STK33: variants seen among roughly 807,000 people sequenced by gnomAD.
STK33 encodes the protein serine/threonine-protein kinase 33.
Under a neutral mutation model 58.0 loss-of-function variants are expected in STK33, and 52 were observed. The observed-to-expected ratio is 0.90, with a 90% CI of 0.72 to 1.13. The LOEUF (loss-of-function observed/expected upper bound fraction) is 1.13. Ranked by LOEUF, STK33 falls within the 50% of genes most tolerant of loss-of-function variation. STK33 has a pLI of 0.00. For synonymous variants in STK33, 215 were observed against 200.1 expected (o/e 1.07, Z -0.63); for missense variants, 630 against 604.2 (o/e 1.04, Z -0.45).
At chr11:8,562,557 T>C (rs992743130) in intron 1 of STK33, among the ~76,000 whole-genome samples, 1 of 152,194 alleles carries the variant, frequency 6.6e-6, no homozygotes, top group African/African-American at 2.4e-5. Context: ...CATATTTCAT[T>C]ATACTCTTAG....
chr11:8,342,386 A>G, the STK33 span, among the ~76,000 whole-genome samples: 1 of 152,224 alleles, frequency 6.6e-6, no homozygotes, highest in Non-Finnish European at 1.5e-5. Flanking sequence ...TGGGTTTCTG[A>G]AAAACAACTC....
the STK33 span, among the ~76,000 whole-genome samples, chr11:8,361,053 C>T: frequency 6.6e-5 from 10 of 152,214 alleles, no homozygotes; most frequent in South Asian, 2.1e-4. The surrounding 1 kb of genome is among the most constrained non-coding windows in gnomAD (Gnocchi z 4.8). Flanking sequence ...CTACCACATA[C>T]GGCCAGGCCC....
At chr11:8,494,279 T>A (rs1950874222) in intron 1 of STK33, among the ~76,000 whole-genome samples, 1 of 152,120 alleles carries the variant, frequency 6.6e-6, no homozygotes, top group Non-Finnish European at 1.5e-5. Flanking sequence ...TGTGCAAAAA[T>A]CACAAACATT....
chr11:8,426,035 A>G (rs931438995), intron 14 of STK33, among the ~76,000 whole-genome samples: 13 of 152,282 alleles, frequency 8.5e-5, no homozygotes, highest in African/African-American at 3.1e-4. Flanking sequence ...AGTCAGCTCA[A>G]TTAGACCCCC....
rs1339728344 is a variant in STK33, at chr11:8,594,180, G to C, written c.-563C>G. ...TGCACCGGGAGAAACTTTTCAGCCC[G>C]CAGAGCAACCGCAGGGCAGTGGACG... On this transcript the variant is annotated 5_prime_UTR_variant, in exon 1 of 16. Coordinates refer to ENST00000687296, the MANE Select transcript of STK33 (RefSeq NM_001352389.2). The C allele has an allele frequency of 6.6e-6, 1 of 152,300 alleles. No individual in the cohort carries two copies. The highest frequency in any genetic ancestry group is 1.5e-5 in the Non-Finnish European group (1 of 68,102). The allele number at this position is 152,300 out of a possible 1,614,324, so 9.4% of individuals were successfully genotyped here. A position where few individuals can be genotyped will look rare whatever the true frequency, so the allele number is the denominator to read the frequency against.
the STK33 span, among the ~76,000 whole-genome samples, chr11:8,351,668 C>T: frequency 6.6e-6 from 1 of 152,276 alleles, no homozygotes; most frequent in Non-Finnish European, 1.5e-5. Context: ...CAGGCCCCAG[C>T]AGGGATGCTG....
chr11:8,551,655 C>T (rs1270586111), intron 1 of STK33, among the ~76,000 whole-genome samples: 11 of 152,108 alleles, frequency 7.2e-5, no homozygotes, highest in Non-Finnish European at 1.5e-4. Context: ...GGAACTTAAA[C>T]GCTGGCTTGT....
chr11:8,459,977 T>C (rs1157706220), intron 8 of STK33, among the ~76,000 whole-genome samples: 2 of 152,174 alleles, frequency 1.3e-5, no homozygotes, highest in Non-Finnish European at 2.9e-5. Flanking sequence ...AACCTCGTAA[T>C]TCATGGAGCA....
chr11:8,483,907 C>A (rs1165872815), intron 1 of STK33, among the ~76,000 whole-genome samples: 1 of 152,068 alleles, frequency 6.6e-6, no homozygotes, highest in Admixed American at 6.5e-5. Flanking sequence ...CACACAAATG[C>A]CCCTACTCCA....
chr11:8,355,738 A>T, the STK33 span, among the ~76,000 whole-genome samples: 1 of 152,216 alleles, frequency 6.6e-6, no homozygotes, highest in Non-Finnish European at 1.5e-5. Flanking sequence ...TAGAATGGGG[A>T]TGATAAATAC....
intron 6 of STK33, among the ~76,000 whole-genome samples, chr11:8,468,298 T>C (rs1041113429): frequency 3.3e-5 from 5 of 152,116 alleles, no homozygotes; most frequent in Admixed American, 1.3e-4. Flanking sequence ...TCATCTCCCA[T>C]AGGGTCCCTC....
chr11:8,374,687 G>A, the STK33 span, among the ~76,000 whole-genome samples: 1 of 152,194 alleles, frequency 6.6e-6, no homozygotes, highest in African/African-American at 2.4e-5. Context: ...CACACTGGGG[G>A]AAGGGCTGGA....
chr11:8,407,768 A>C (rs758478957), intron 15 of STK33, among the ~76,000 whole-genome samples: 12 of 152,178 alleles, frequency 7.9e-5, no homozygotes, highest in Non-Finnish European at 1.8e-4. Context: ...AGTCTCAGAA[A>C]AAAAAGGAAA....
At chr11:8,526,894 G>A (rs1954080885) in intron 1 of STK33, among the ~76,000 whole-genome samples, 1 of 136,046 alleles carries the variant, frequency 7.4e-6, no homozygotes, top group Non-Finnish European at 1.6e-5. Flanking sequence ...AAAAAAAAAA[G>A]GTAAAACTAG....
intron 1 of STK33, among the ~76,000 whole-genome samples, chr11:8,579,536 G>T (rs1958418703): frequency 6.6e-6 from 1 of 151,050 alleles, no homozygotes; most frequent in Non-Finnish European, 1.5e-5. Context: ...AGAGCAACCT[G>T]TTAAATATGA....
chr11:8,422,638 T>A (rs913028413), intron 14 of STK33, among the ~76,000 whole-genome samples: 5 of 152,294 alleles, frequency 3.3e-5, no homozygotes, highest in Middle Eastern at 3.4e-3. Flanking sequence ...CAGTTCAAGT[T>A]TTCTATTTAT....
intron 1 of STK33, among the ~76,000 whole-genome samples, chr11:8,488,172 G>C (rs1375195565): frequency 3.9e-5 from 6 of 152,140 alleles, no homozygotes; most frequent in Admixed American, 2.0e-4. Flanking sequence ...GGGCTTGCCA[G>C]TACAAAATGC....
intron 15 of STK33, among the ~76,000 whole-genome samples, chr11:8,413,108 T>A (rs887037965): frequency 2.0e-5 from 3 of 152,318 alleles, no homozygotes; most frequent in African/African-American, 7.2e-5. Flanking sequence ...TGGCATGCCA[T>A]CTGTTTTGGG....
In STK33 at chr11:8,473,193, G is replaced by A. The variant is rs1591347245; in HGVS notation, c.309C>T (p.His103=). 1.9e-6 allele frequency: 3 copies of A among 1,612,766 alleles called. No individual in the cohort carries two copies. The highest frequency in any genetic ancestry group is 2.5e-6 in the Non-Finnish European group (3 of 1,179,506). ...TAGCAGCTCCATTCTCAATCCTTAT[G>A]TGAGGAACTTTTCCTTCTGTAAAGT... is the stretch of plus-strand genomic sequence containing the variant. ...RGNFTEGKVP[H]IRIENGAAIE... Residue 103 remains histidine (H), a synonymous_variant, in exon 6 of 16, where the codon CAC becomes CAT. Coordinates refer to ENST00000687296, the MANE Select transcript of STK33 (RefSeq NM_001352389.2).
Sources: gnomAD v4.1 joint callset for allele counts (sites outside exome capture counted in the v4.1 genomes callset) on GRCh38, gnomAD v4.1.1 for gene constraint, Gnocchi (gnomAD v3.1) non-coding constraint, MANE v1.5 for transcripts, NCBI Gene and HGNC (gene_info 2026-07-23, HGNC 2026-07-21) for gene names.